The following ENPP2 variants were observed in gnomAD, a reference collection of about 807,000 sequenced individuals.
The protein encoded by ENPP2 is ectonucleotide pyrophosphatase/phosphodiesterase 2.
In ENPP2, 51 loss-of-function variants were observed where a neutral mutation model predicts 120.2. The ratio of observed to expected loss-of-function variants is 0.42; its 90% confidence interval spans 0.34 to 0.54. The LOEUF (loss-of-function observed/expected upper bound fraction) is 0.54, where lower values mean the gene tolerates loss of function less well. ENPP2 is among the 20% of genes least tolerant of loss of function. The pLI is 0.04. For synonymous variants in ENPP2, 365 were observed against 366.4 expected, an observed-to-expected ratio of 1.00 and a Z score of 0.04; for missense variants, 920 against 1,066.5, an observed-to-expected ratio of 0.86 and a Z score of 1.91.
chr8:119,602,441 G>A (rs1247899033), intron 9 of ENPP2, among the ~76,000 whole-genome samples: 2 of 137,756 alleles, frequency 1.5e-5, no homozygotes, highest in Non-Finnish European at 3.0e-5. Flanking sequence ...TGGGCAACAA[G>A]AGTGAAACTC....
intron 5 of ENPP2, among the ~76,000 whole-genome samples, chr8:119,618,679 A>G (rs2130720316): frequency 6.6e-6 from 1 of 151,766 alleles, no homozygotes; most frequent in African/African-American, 2.4e-5. Flanking sequence ...AGCTGGGATT[A>G]CAAGCGCTGG....
intron 1 of ENPP2, 77 bp from the exon 2 acceptor site, chr8:119,638,604 G>A: frequency 9.7e-7 from 1 of 1,034,470 alleles, no homozygotes; most frequent in Non-Finnish European, 1.5e-6. Flanking sequence ...TGATTCAAAT[G>A]GCTTCAATAT....
At chr8:119,619,186 C>T in intron 5 of ENPP2, 58 bp downstream of exon 5, 1 of 1,201,790 alleles carries the variant, frequency 8.3e-7, no homozygotes, top group Non-Finnish European at 1.2e-6. Flanking sequence ...TTTTCATTTC[C>T]TGTGAGAGTT....
At chr8:119,636,756 G>C (rs1438576449) in intron 2 of ENPP2, among the ~76,000 whole-genome samples, 3 of 151,104 alleles carry the variant, frequency 2.0e-5, no homozygotes, top group Admixed American at 2.0e-4. Context: ...AAATTCAAGA[G>C]GCAATGAAAC....
At chr8:119,651,335 C>G (rs139770832) in intron 1 of ENPP2, among the ~76,000 whole-genome samples, 1 of 152,096 alleles carries the variant, frequency 6.6e-6, no homozygotes, top group East Asian at 1.9e-4. Flanking sequence ...AGCTAGTATT[C>G]GGTAATTGTT....
At chr8:119,673,287 G>C (rs986237045) in exon 1 of ENPP2, 2 of 1,535,230 alleles carry the variant, frequency 1.3e-6, no homozygotes, top group Non-Finnish European at 1.7e-6. Flanking sequence ...CGGGAGTCTC[G>C]GCGTCTGTTC....
intron 1 of ENPP2, among the ~76,000 whole-genome samples, chr8:119,669,541 A>G (rs1818179013): frequency 6.6e-6 from 1 of 152,210 alleles, no homozygotes; most frequent in Non-Finnish European, 1.5e-5. Context: ...TCAAAAAAGA[A>G]AGCATGCCTA....
intron 8 of ENPP2, among the ~76,000 whole-genome samples, chr8:119,615,282 G>T (rs1049676308): frequency 6.6e-6 from 1 of 152,018 alleles, no homozygotes; most frequent in African/African-American, 2.4e-5. Context: ...ATCAGAATTG[G>T]CATGAGATGG....
chr8:119,567,377 T>C (rs1814557308), intron 22 of ENPP2, among the ~76,000 whole-genome samples: 1 of 152,190 alleles, frequency 6.6e-6, no homozygotes, highest in Non-Finnish European at 1.5e-5. Flanking sequence ...GAAATCCATA[T>C]AAACCTTAGA....
intron 2 of ENPP2, among the ~76,000 whole-genome samples, chr8:119,630,632 T>A (rs1213519008): frequency 6.6e-6 from 1 of 152,178 alleles, no homozygotes; most frequent in Non-Finnish European, 1.5e-5. Context: ...GACAACTTTG[T>A]TAGAGTTAGC....
At chr8:119,578,813 G>C (rs1015888167) in intron 19 of ENPP2, among the ~76,000 whole-genome samples, 2 of 152,196 alleles carry the variant, frequency 1.3e-5, no homozygotes, top group African/African-American at 4.8e-5. Context: ...TGATCAAAGG[G>C]AGAAGTGGGA....
At chr8:119,592,721 T>C (rs1057397551) in intron 12 of ENPP2, among the ~76,000 whole-genome samples, 12 of 151,788 alleles carry the variant, frequency 7.9e-5, no homozygotes, top group African/African-American at 2.9e-4. Flanking sequence ...ATGCTCCAAC[T>C]TCTCTGACCT....
At chr8:119,626,938 T>C (rs1816321871) in intron 2 of ENPP2, among the ~76,000 whole-genome samples, 1 of 152,186 alleles carries the variant, frequency 6.6e-6, no homozygotes, top group African/African-American at 2.4e-5. Context: ...AGTAACTCTA[T>C]GTTGAAAAGA....
intron 4 of ENPP2, 84 bp from the exon 5 acceptor site, chr8:119,619,388 C>A: frequency 2.2e-6 from 2 of 903,790 alleles, no homozygotes; most frequent in Non-Finnish European, 3.6e-6. Flanking sequence ...GATCTGTGTC[C>A]TGTTTGATAC....
intron 9 of ENPP2, 80 bp from the exon 10 acceptor site, chr8:119,601,542 C>T: frequency 9.9e-7 from 1 of 1,010,590 alleles, no homozygotes; most frequent in Non-Finnish European, 1.6e-6. Flanking sequence ...CGCTCTTGCA[C>T]CCAGGCCAAA....
chr8:119,624,986 T>A (rs1775117376), intron 3 of ENPP2, among the ~76,000 whole-genome samples: 3 of 152,216 alleles, frequency 2.0e-5, no homozygotes, highest in African/African-American at 4.8e-5. Flanking sequence ...TTATATCCCA[T>A]CCTTAATAAA....
chr8:119,613,759 T>G (rs1815269173), intron 8 of ENPP2, among the ~76,000 whole-genome samples: 1 of 152,142 alleles, frequency 6.6e-6, no homozygotes, highest in African/African-American at 2.4e-5. Context: ...TGACATATAA[T>G]AATTGTGCAT....
rs1813599277 is a variant in ENPP2 at position 119,592,606 on chromosome 8, C to G, written c.1081+1146G>C. 4.1e-5 allele frequency among the ~76,000 whole-genome samples: 4 copies of G among 97,504 alleles called. No individual in the cohort carries two copies. The South Asian group carries it at 1.8e-3, about 43-fold the overall frequency. The allele number at this position is 97,504 out of a possible 152,430, so 64.0% of individuals were successfully genotyped here. A position where few individuals can be genotyped will look rare whatever the true frequency, so the allele number is the denominator to read the frequency against. ...AACCTATCCATGACCTTTACAATGC[C>G]TCAGCACATATCATTGGGACCCTTC... On this transcript the variant is annotated intron_variant, in intron 12 of 24. Transcript: ENST00000075322.
chr8:119,600,889 A>G, intron 10 of ENPP2, 139 bp from the exon 11 acceptor site: 1 of 605,890 alleles, frequency 1.7e-6, no homozygotes, highest in East Asian at 2.9e-5. Flanking sequence ...GTTAGCATGA[A>G]AAACTTTTTT....
Sources: allele counts gnomAD v4.1 joint callset (sites outside exome capture counted in the v4.1 genomes callset), GRCh38; gene constraint gnomAD v4.1.1; transcripts MANE v1.5; gene names NCBI Gene and HGNC (gene_info 2026-07-23, HGNC 2026-07-21).